Variants in CDK14 observed in about 807,000 individuals in gnomAD.
CDK14 encodes the protein cyclin-dependent kinase 14.
Under a neutral mutation model 60.7 loss-of-function variants are expected in CDK14, and 34 were observed. The observed-to-expected ratio is 0.56, with a 90% CI of 0.43 to 0.75. The LOEUF (loss-of-function observed/expected upper bound fraction) is 0.75. CDK14 is among the 30% of genes least tolerant of loss of function. The probability of loss-of-function intolerance (pLI) is 0.00; values close to 1 mark genes in which losing one functional copy is unlikely to be tolerated. For synonymous variants in CDK14, 197 were observed against 203.7 expected, an observed-to-expected ratio of 0.97 and a Z score of 0.28; for missense variants, 482 against 564.1, an observed-to-expected ratio of 0.85 and a Z score of 1.47.
At chr7:90,785,629 CA>C (rs1562769120) in intron 4 of CDK14, among the ~76,000 whole-genome samples, 1 of 151,030 alleles carries the variant, frequency 6.6e-6, no homozygotes. Flanking sequence ...ACTAAAAATA[CA>C]AAAAAAATTA....
intron 4 of CDK14, among the ~76,000 whole-genome samples, chr7:90,785,488 A>G (rs1230772065): frequency 3.9e-5 from 6 of 152,114 alleles, no homozygotes; most frequent in African/African-American, 1.2e-4. Flanking sequence ...GAACAAATGA[A>G]TGGGTGAAAA....
chr7:90,863,023 C>G, intron 5 of CDK14, 152 bp from the exon 6 acceptor site: 2 of 502,256 alleles, frequency 4.0e-6, no homozygotes, highest in East Asian at 6.8e-5. Flanking sequence ...CAAAAAAAGT[C>G]TTGTTTTTCT....
chr7:90,682,995 G>T (rs2116565282), intron 2 of CDK14, among the ~76,000 whole-genome samples: 1 of 152,306 alleles, frequency 6.6e-6, no homozygotes, highest in African/African-American at 2.4e-5. Flanking sequence ...TGATCATCTA[G>T]TCAAGGTGTT....
At chr7:91,200,042 A>G (rs1352701543) in intron 14 of CDK14, among the ~76,000 whole-genome samples, 3 of 152,166 alleles carry the variant, frequency 2.0e-5, no homozygotes, top group African/African-American at 7.2e-5. Flanking sequence ...CCCCCTTCTC[A>G]AGGAGCCTCA....
At chr7:90,642,227 G>A (rs541692192) in intron 2 of CDK14, among the ~76,000 whole-genome samples, 35 of 152,348 alleles carry the variant, frequency 2.3e-4, no homozygotes, top group African/African-American at 7.2e-4. Flanking sequence ...AAGAGTCTGT[G>A]TTTACAATAT....
intron 4 of CDK14, among the ~76,000 whole-genome samples, chr7:90,789,397 A>G (rs1327060334): frequency 6.6e-5 from 10 of 152,086 alleles, no homozygotes; most frequent in Non-Finnish European, 1.2e-4. Context: ...GTAAGTCTAT[A>G]TATCTTGTAC....
intron 6 of CDK14, among the ~76,000 whole-genome samples, chr7:90,886,177 G>A (rs1325368376): frequency 6.6e-6 from 1 of 152,104 alleles, no homozygotes; most frequent in African/African-American, 2.4e-5. Context: ...AGGGCACTGA[G>A]TTGGCTTGCT....
At chr7:90,735,699 C>T (rs116446863) in intron 3 of CDK14, among the ~76,000 whole-genome samples, 171 of 152,328 alleles carry the variant, frequency 1.1e-3, no homozygotes, top group African/African-American at 4.0e-3. Flanking sequence ...CGTCCCAGGT[C>T]GACTTCACAC....
At chr7:90,853,616 G>A (rs1484408605) in intron 5 of CDK14, among the ~76,000 whole-genome samples, 2 of 152,162 alleles carry the variant, frequency 1.3e-5, no homozygotes, top group African/African-American at 4.8e-5. Context: ...TTTAGGATGT[G>A]TAAATGTTAA....
At chr7:90,778,521 C>A (rs1805148228) in intron 4 of CDK14, among the ~76,000 whole-genome samples, 1 of 152,202 alleles carries the variant, frequency 6.6e-6, no homozygotes, top group South Asian at 2.1e-4. Context: ...GAGTGAGCTG[C>A]AGACACAGAA....
chr7:91,062,465 C>G (rs957377031), intron 11 of CDK14, among the ~76,000 whole-genome samples: 6 of 151,998 alleles, frequency 3.9e-5, no homozygotes, highest in Non-Finnish European at 8.8e-5. Flanking sequence ...GTTGGAAATG[C>G]AGAAATCATT....
chr7:90,960,136 G>A (rs117107399), intron 9 of CDK14, among the ~76,000 whole-genome samples: 367 of 152,096 alleles, frequency 2.4e-3, no homozygotes, highest in Non-Finnish European at 4.2e-3. Context: ...TTCCAAATAA[G>A]CTTTATATTC....
At chr7:90,683,978 A>C (rs1584791839) in intron 2 of CDK14, among the ~76,000 whole-genome samples, 1 of 152,066 alleles carries the variant, frequency 6.6e-6, no homozygotes, top group Admixed American at 6.6e-5. Flanking sequence ...GTATATATGC[A>C]CATGCATGTG....
intron 2 of CDK14, among the ~76,000 whole-genome samples, chr7:90,696,336 C>CTTTT (rs1554435989): frequency 1.6e-5 from 2 of 125,688 alleles, no homozygotes; most frequent in African/African-American, 6.2e-5. Flanking sequence ...ACTTCTTCTT[C>CTTTT]TTTTTTTTTT....
At chr7:90,684,459 TCAG>T (rs1801388101) in intron 2 of CDK14, among the ~76,000 whole-genome samples, 1 of 152,236 alleles carries the variant, frequency 6.6e-6, no homozygotes, top group Non-Finnish European at 1.5e-5. Context: ...TTGTTTACTT[TCAG>T]TTTTATTCCT....
intron 10 of CDK14, among the ~76,000 whole-genome samples, chr7:91,000,001 G>A (rs190744730): frequency 1.4e-4 from 22 of 152,270 alleles, no homozygotes; most frequent in African/African-American, 5.1e-4. Flanking sequence ...GTCTTCTCTA[G>A]AGATGTATAC....
At chr7:91,190,978 A>C (rs1802343921) in intron 14 of CDK14, among the ~76,000 whole-genome samples, 1 of 152,156 alleles carries the variant, frequency 6.6e-6, no homozygotes. Context: ...TACGTGTCTG[A>C]CCAGAGATCA....
At chr7:91,162,723 G>C (rs1417964890) in intron 14 of CDK14, among the ~76,000 whole-genome samples, 1 of 152,188 alleles carries the variant, frequency 6.6e-6, no homozygotes, top group Non-Finnish European at 1.5e-5. Context: ...CTACCTCATA[G>C]TATCGTTGTG....
In CDK14 at chr7:90,829,979, G is replaced by A. The variant is rs752533822; in HGVS notation, c.545-33196G>A. Reference sequence around the variant, plus strand: ...GTAGAGCCCCCATTGCTGCCTTCACGGGCTGGTGTTGAATGTCTGTGGCTT... The same window carrying A: ...GTAGAGCCCCCATTGCTGCCTTCACAGGCTGGTGTTGAATGTCTGTGGCTT... On this transcript the variant is annotated intron_variant, in intron 5 of 14. Coordinates refer to ENST00000380050, the MANE Select transcript of CDK14 (RefSeq NM_001287135.2). Among the ~76,000 whole-genome samples, 9 of 152,242 alleles carry A rather than the reference G, an allele frequency of 5.9e-5. No homozygotes were observed. In the South Asian group the frequency reaches 1.2e-3, roughly 21 times the overall value.
Sources: allele counts gnomAD v4.1 joint callset (sites outside exome capture counted in the v4.1 genomes callset), GRCh38; gene constraint gnomAD v4.1.1; transcripts MANE v1.5; gene names NCBI Gene and HGNC (gene_info 2026-07-23, HGNC 2026-07-21).